ITPR1: variants seen among roughly 807,000 people sequenced by gnomAD.
ITPR1 encodes the protein inositol 1,4,5-trisphosphate-gated calcium channel ITPR1.
A neutral mutation model predicts 318.4 loss-of-function variants in ITPR1; 96 were observed. That is an observed-to-expected ratio of 0.30 (90% CI 0.26 to 0.36). ITPR1 has a LOEUF of 0.36. Ranked by LOEUF, ITPR1 falls within the 10% of genes least tolerant of loss-of-function variation. The probability of loss-of-function intolerance (pLI) is 1.00; values close to 1 mark genes in which losing one functional copy is unlikely to be tolerated. For synonymous variants in ITPR1, 1,312 were observed against 1,289.9 expected (o/e 1.02, Z -0.37); for missense variants, 2,440 against 3,460.2 (o/e 0.71, Z 7.40).
At chr3:4,675,024 C>A in intron 22 of ITPR1, 44 bp from the exon 23 acceptor site, 1 of 1,039,294 alleles carries the variant, frequency 9.6e-7, no homozygotes, top group African/African-American at 1.6e-5. Context: ...GAAGGGGATG[C>A]AGTTTATGTA....
In ITPR1 at chr3:4,765,527, G is replaced by C. The variant is rs150229769; in HGVS notation, c.5545-1003G>C. On this transcript the variant is annotated intron_variant, in intron 44 of 61. Transcript: ENST00000649015. ...TTAAGAGTAAGGTGGCTTCAAGAAG[G>C]TGATAAGATTTAAGTTCTTTCTGGG... 6.6e-5 allele frequency among the ~76,000 whole-genome samples: 10 copies of C among 152,276 alleles called. No individual in the cohort carries two copies. In the East Asian group the frequency reaches 1.9e-3, roughly 29 times the overall value.
At chr3:4,655,966 T>TAAAA (rs745342315) in intron 12 of ITPR1, among the ~76,000 whole-genome samples, 52 of 152,182 alleles carry the variant, frequency 3.4e-4, no homozygotes, top group Non-Finnish European at 6.6e-4. Flanking sequence ...AACCTCGAAT[T>TAAAA]TTTTTGAGTT....
At position 4,702,946 on chromosome 3, in the gene ITPR1, T is replaced by A. The variant is rs750893646; in HGVS notation, c.4653T>A (p.Asp1551Glu). ...AGAGCTGTATTCGGGTGCTGTCTGA[T>A]GTAGGTAAGATACCAAGTCAGTTTG... ...SVESCIRVLS[D>E]VAKSRAIAIP... Residue 1551 changes from aspartate to glutamate, a missense_variant, in exon 36 of 62, where the codon GAT (aspartate) becomes GAA (glutamate). By Grantham distance (45) the Asp-to-Glu change is conservative (BLOSUM62 2). Coordinates refer to ENST00000649015, the MANE Select transcript of ITPR1 (RefSeq NM_001378452.1). 2 of 1,613,662 alleles carry A rather than the reference T, an allele frequency of 1.2e-6. No individual in the cohort carries two copies. The highest frequency in any genetic ancestry group is 1.3e-5 in the African/African-American group (1 of 74,936).
intron 53 of ITPR1, among the ~76,000 whole-genome samples, chr3:4,796,303 T>TC (rs1465967470): frequency 6.6e-6 from 1 of 151,538 alleles, no homozygotes; most frequent in Non-Finnish European, 1.5e-5. Flanking sequence ...GGGGGGATTT[T>TC]TTTTTTAATG....
At chr3:4,571,876 C>A (rs530109380) in intron 4 of ITPR1, among the ~76,000 whole-genome samples, 1 of 152,158 alleles carries the variant, frequency 6.6e-6, no homozygotes, top group Non-Finnish European at 1.5e-5. Flanking sequence ...TGTTTCTCCC[C>A]CTCTGCCCCA....
intron 4 of ITPR1, among the ~76,000 whole-genome samples, chr3:4,556,664 A>C (rs1321249463): frequency 6.6e-6 from 1 of 152,134 alleles, no homozygotes; most frequent in Non-Finnish European, 1.5e-5. Flanking sequence ...TTCAGCGCTG[A>C]GTAATATTAC....
intron 44 of ITPR1, among the ~76,000 whole-genome samples, chr3:4,758,257 C>A (rs1342894095): frequency 6.6e-6 from 1 of 152,116 alleles, no homozygotes; most frequent in Admixed American, 6.6e-5. Flanking sequence ...AAAGGTGGAC[C>A]AACTTTTAGA....
At chr3:4,795,014 G>A (rs1000820874) in intron 52 of ITPR1, 51 bp from the exon 53 acceptor site, 25 of 1,518,502 alleles carry the variant, frequency 1.6e-5, no homozygotes, top group Middle Eastern at 2.1e-4. Flanking sequence ...CATTCCTGGC[G>A]TTCCGGCTTG....
chr3:4,510,047 A>G lies in ITPR1; in HGVS notation c.-16-6429A>G, dbSNP rs12636945. On this transcript the variant is annotated intron_variant, in intron 2 of 61. Transcript: ENST00000649015. ...GTTGCTGTATAGAAGAGTATGTTGG[A>G]AACGTATAACCCAGATCTGGGAGGT... 8.3e-3 allele frequency among the ~76,000 whole-genome samples: 1,270 copies of G among 152,314 alleles called. 11 individuals are homozygous for G. Among genetic ancestry groups the G allele is most frequent in the Middle Eastern group, 0.031 (9 of 294 alleles).
chr3:4,535,850 C>T (rs1490892066), intron 4 of ITPR1, among the ~76,000 whole-genome samples: 1 of 152,078 alleles, frequency 6.6e-6, no homozygotes, highest in African/African-American at 2.4e-5. Flanking sequence ...CCAACGTCTC[C>T]TAGTTCTGAG....
intron 12 of ITPR1, 120 bp downstream of exon 12, chr3:4,654,006 C>G (rs750672638): frequency 1.0e-5 from 7 of 675,784 alleles, no homozygotes; most frequent in Non-Finnish European, 1.8e-5. Flanking sequence ...GAACCTTAGG[C>G]TCCCTTAAAA....
At chr3:4,817,934 A>G in intron 59 of ITPR1, 148 bp from the exon 60 acceptor site, 1 of 582,520 alleles carries the variant, frequency 1.7e-6, no homozygotes, top group East Asian at 3.0e-5. Context: ...TGTAAACATG[A>G]ATGTACTTAT....
intron 4 of ITPR1, among the ~76,000 whole-genome samples, chr3:4,558,505 G>A (rs74576096): frequency 0.022 from 3,351 of 152,230 alleles, 67 homozygotes; most frequent in Non-Finnish European, 0.038. Flanking sequence ...ATGGAAAGAC[G>A]TGGAAAAGTG....
chr3:4,706,290 C>T lies in ITPR1; in HGVS notation c.4781C>T (p.Ala1594Val), dbSNP rs894000466. 2 of 1,614,022 alleles carry T rather than the reference C, an allele frequency of 1.2e-6. No homozygotes were observed. Among genetic ancestry groups the T allele is most frequent in the Non-Finnish European group, 1.7e-6 (2 of 1,179,878 alleles). ...MNWRLSARNA[A>V]RRDSVLAASR... The stretch of plus-strand genomic sequence containing the variant: ...TGGCGGCTCTCAGCCCGCAATGCCG[C>T]ACGCAGGGACTCTGTTCTGGCAGCT... The change falls in exon 37 of 62, where the codon GCA (alanine) becomes GTA (valine). Residue 1594 changes from alanine (A) to valine (V), a missense_variant. Transcript: ENST00000649015.
chr3:4,801,771 A>T (rs1445913258), intron 54 of ITPR1, among the ~76,000 whole-genome samples: 1 of 152,160 alleles, frequency 6.6e-6, no homozygotes, highest in Non-Finnish European at 1.5e-5. Flanking sequence ...CTCAAAAATA[A>T]ATAAATGAAC....
At chr3:4,624,406 C>A (rs751043934) in intron 4 of ITPR1, among the ~76,000 whole-genome samples, 1 of 152,158 alleles carries the variant, frequency 6.6e-6, no homozygotes, top group Non-Finnish European at 1.5e-5. Context: ...CAGTGTCTCA[C>A]GCCTGTAATC....
intron 12 of ITPR1, among the ~76,000 whole-genome samples, chr3:4,655,092 C>A (rs1017802793): frequency 1.3e-5 from 2 of 152,174 alleles, no homozygotes; most frequent in Non-Finnish European, 2.9e-5. Flanking sequence ...GGTAAAACTT[C>A]TCTGCATCAT....
intron 12 of ITPR1, among the ~76,000 whole-genome samples, chr3:4,657,409 T>TTTTC (rs58920233): frequency 3.2e-4 from 48 of 151,480 alleles, no homozygotes; most frequent in Admixed American, 1.6e-3. Context: ...TTTTTTTTTT[T>TTTTC]AATCATCTGG....
intron 4 of ITPR1, among the ~76,000 whole-genome samples, chr3:4,619,646 CT>C (rs2092534213): frequency 9.7e-5 from 1 of 10,288 alleles, no homozygotes; most frequent in Non-Finnish European, 1.5e-4. Context: ...CCCTGCTCTC[CT>C]CTGCTCTCCC....
Sources: allele counts gnomAD v4.1 joint callset (sites outside exome capture counted in the v4.1 genomes callset), GRCh38; gene constraint gnomAD v4.1.1; transcripts MANE v1.5; gene names NCBI Gene and HGNC (gene_info 2026-07-23, HGNC 2026-07-21).